PCDH11X: variants seen among roughly 807,000 people sequenced by gnomAD.
PCDH11X encodes the protein protocadherin 11 X-linked, also known as protocadherin-11 X-linked.
Under a neutral mutation model 53.3 loss-of-function variants are expected in PCDH11X, and 18 were observed. The observed-to-expected ratio is 0.34, with a 90% CI of 0.23 to 0.50. The LOEUF is 0.50. Ranked by LOEUF, PCDH11X falls within the 20% of genes least tolerant of loss-of-function variation. The probability of loss-of-function intolerance (pLI) is 0.98; values close to 1 mark genes in which losing one functional copy is unlikely to be tolerated. For missense variants in PCDH11X, 570 were observed against 1,032.4 expected, an observed-to-expected ratio of 0.55 and a Z score of 6.14; for synonymous variants, 279 against 393.3, an observed-to-expected ratio of 0.71 and a Z score of 3.44.
At chrX:92,346,931 G>A (rs1186895282) in intron 8 of PCDH11X, among the ~76,000 whole-genome samples, 1 of 111,156 alleles carries the variant, frequency 9.0e-6, no homozygotes, top group Non-Finnish European at 1.9e-5. Context: ...GTTATTTTCA[G>A]TTGGTTTCCT....
At position 92,157,692 on chromosome X, in the gene PCDH11X, A is replaced by G. The variant is rs1201794805; in HGVS notation, c.3034-43683A>G. Among the ~76,000 whole-genome samples the G allele has an allele frequency of 1.2e-4, 13 of 112,140 alleles. 1 individual carries two copies. Among genetic ancestry groups the G allele is most frequent in the African/African-American group, 3.9e-4 (12 of 30,969 alleles). ...CTTTTCATTTGCTCTCGGTCACATT[A>G]TCAGTATCCACTTAGAAGCTCAGTT... On this transcript the variant is annotated intron_variant, in intron 6 of 10. Coordinates refer to ENST00000682573, the MANE Select transcript of PCDH11X (RefSeq NM_032968.5).
intron 6 of PCDH11X, among the ~76,000 whole-genome samples, chrX:91,923,798 A>G (rs1371591165): frequency 9.0e-6 from 1 of 111,064 alleles, no homozygotes; most frequent in African/African-American, 3.3e-5. Flanking sequence ...AGAATAGAAA[A>G]CCAAATACCA....
intron 6 of PCDH11X, among the ~76,000 whole-genome samples, chrX:92,145,034 A>T (rs2065247469): frequency 9.0e-6 from 1 of 111,592 alleles, no homozygotes; most frequent in African/African-American, 3.3e-5. Context: ...TGCTTTGTCT[A>T]TTAAAACCAT....
chrX:91,819,634 T>C (rs1202544474), intron 4 of PCDH11X, among the ~76,000 whole-genome samples: 1 of 109,729 alleles, frequency 9.1e-6, no homozygotes, highest in Non-Finnish European at 1.9e-5. Context: ...GCATTTCTTT[T>C]TTTTTTTCCT....
intron 9 of PCDH11X, among the ~76,000 whole-genome samples, chrX:92,439,197 G>T (rs909246294): frequency 1.4e-4 from 15 of 110,830 alleles, no homozygotes; most frequent in Non-Finnish European, 7.6e-5. Context: ...ACTGTCATAA[G>T]AAAGAAGTAG....
intron 6 of PCDH11X, among the ~76,000 whole-genome samples, chrX:91,974,486 G>A (rs1022650940): frequency 9.0e-6 from 1 of 111,540 alleles, no homozygotes; most frequent in Non-Finnish European, 1.9e-5. Context: ...ATATCCAGGG[G>A]AATAATCTTC....
At chrX:92,392,393 TCAAATACA>T (rs144090953) in intron 9 of PCDH11X, among the ~76,000 whole-genome samples, 41,197 of 109,161 alleles carry the variant, frequency 0.38, 6,369 homozygotes, top group Non-Finnish European at 0.48. Context: ...TGCTTAGCAC[TCAAATACA>T]CTACTAATTA....
At chrX:92,550,863 T>A (rs2074941548) in intron 10 of PCDH11X, among the ~76,000 whole-genome samples, 1 of 108,261 alleles carries the variant, frequency 9.2e-6, no homozygotes. Context: ...CCTGGCTTAT[T>A]TCACTTAACA....
chrX:92,182,301 T>C (rs1176926649), intron 6 of PCDH11X, among the ~76,000 whole-genome samples: 1 of 112,022 alleles, frequency 8.9e-6, no homozygotes, highest in Admixed American at 9.5e-5. Flanking sequence ...ACCGATTGCC[T>C]ATACCCCCAT....
At chrX:92,383,657 A>G (rs2070941120) in intron 8 of PCDH11X, among the ~76,000 whole-genome samples, 1 of 111,490 alleles carries the variant, frequency 9.0e-6, no homozygotes, top group East Asian at 2.8e-4. Context: ...AAATGAACTC[A>G]TCCTCTTTTA....
At chrX:92,420,940 G>A (rs1177199011) in intron 9 of PCDH11X, among the ~76,000 whole-genome samples, 1 of 110,806 alleles carries the variant, frequency 9.0e-6, no homozygotes, top group East Asian at 2.9e-4. Flanking sequence ...TAAAACTTCT[G>A]AGATTTTCCC....
At chrX:92,175,668 T>G (rs1343142071) in intron 6 of PCDH11X, among the ~76,000 whole-genome samples, 1 of 107,666 alleles carries the variant, frequency 9.3e-6, no homozygotes, top group Non-Finnish European at 1.9e-5. Flanking sequence ...AAAATATACA[T>G]GCATTCCTTA....
At chrX:92,303,222 A>G (rs2068757915) in intron 8 of PCDH11X, among the ~76,000 whole-genome samples, 1 of 111,488 alleles carries the variant, frequency 9.0e-6, no homozygotes, top group South Asian at 3.7e-4. Flanking sequence ...ATAGAAGAGG[A>G]AGAAGATAAC....
intron 6 of PCDH11X, among the ~76,000 whole-genome samples, chrX:91,933,779 A>C (rs1468283775): frequency 1.8e-5 from 2 of 111,408 alleles, no homozygotes; most frequent in African/African-American, 3.3e-5. Context: ...GGTGTGAAGA[A>C]ATTAATATTT....
At chrX:91,912,971 T>C (rs1387372441) in intron 6 of PCDH11X, among the ~76,000 whole-genome samples, 2 of 111,629 alleles carry the variant, frequency 1.8e-5, no homozygotes, top group East Asian at 5.7e-4. Flanking sequence ...TAACCTTACC[T>C]AGAAATGAAA....
chrX:92,232,210 G>A (rs760495433), intron 7 of PCDH11X, among the ~76,000 whole-genome samples: 2 of 111,572 alleles, frequency 1.8e-5, no homozygotes, highest in African/African-American at 6.5e-5. Flanking sequence ...ATGTATGGTG[G>A]TGTATATTAT....
intron 10 of PCDH11X, among the ~76,000 whole-genome samples, chrX:92,571,129 TG>T (rs1367083792): frequency 2.7e-5 from 3 of 111,676 alleles, no homozygotes; most frequent in African/African-American, 9.7e-5. Flanking sequence ...TTTTTATTCC[TG>T]GGCACAATAC....
At chrX:91,984,990 C>T (rs1472041649) in intron 6 of PCDH11X, among the ~76,000 whole-genome samples, 1 of 111,308 alleles carries the variant, frequency 9.0e-6, no homozygotes, top group Non-Finnish European at 1.9e-5. Flanking sequence ...AACCTGCACA[C>T]CCGCCACCAC....
At chrX:92,172,408 T>C (rs2065839086) in intron 6 of PCDH11X, among the ~76,000 whole-genome samples, 1 of 110,890 alleles carries the variant, frequency 9.0e-6, no homozygotes, top group Non-Finnish European at 1.9e-5. Flanking sequence ...TGTTCTTTTC[T>C]TTTGAGACAG....
Sources: gnomAD v4.1 joint callset for allele counts (sites outside exome capture counted in the v4.1 genomes callset) on GRCh38, gnomAD v4.1.1 for gene constraint, MANE v1.5 for transcripts, NCBI Gene and HGNC (gene_info 2026-07-23, HGNC 2026-07-21) for gene names.